SMC2: variants seen among roughly 807,000 people sequenced by gnomAD.
SMC2 encodes the protein structural maintenance of chromosomes protein 2.
SMC2 carries 41 observed loss-of-function variants against 142.6 expected under a neutral mutation model. That is an observed-to-expected ratio of 0.29 (90% CI 0.22 to 0.37). The LOEUF is 0.37. Among genes scored for constraint, SMC2 ranks in the 10% least tolerant of loss-of-function variants. SMC2 has a pLI of 1.00. For missense variants in SMC2, 1,265 were observed against 1,373.7 expected (o/e 0.92, Z 1.25); for synonymous variants, 463 against 457.5 (o/e 1.01, Z -0.15).
rs1831198751 is a variant in SMC2, at chr9:104,102,060, A to G, written c.737A>G (p.Lys246Arg). ...CAGTTTTTGCTGGCTGAAGATACCA[A>G]AGTACGCTCAGCTGAGGAATTAAAA... is the stretch of plus-strand genomic sequence containing the variant. ...AYQFLLAEDT[K>R]VRSAEELKEM... The change falls in exon 8 of 25, where the codon AAA (lysine) becomes AGA (arginine). Residue 246 changes from lysine to arginine, a missense_variant. Transcript: ENST00000374793. The G allele has an allele frequency of 6.2e-7, 1 of 1,611,264 alleles. No homozygotes were observed. Among genetic ancestry groups the G allele is most frequent in the South Asian group, 1.1e-5 (1 of 90,970 alleles).
Position 104,113,266 on chromosome 9 carries a change from G to A in SMC2, c.1255-50G>A, listed in dbSNP as rs142619178. On this transcript the variant is annotated intron_variant, in intron 10 of 24. Transcript: ENST00000374793. ...TGAATCTTCGGCCATTTAATTACTA[G>A]CACTGTCTGCCTCATACATCCTATG... is the stretch of plus-strand genomic sequence containing the variant. The A allele has an allele frequency of 3.5e-3, 4,948 of 1,428,874 alleles. 13 individuals carry two copies. Among genetic ancestry groups the A allele is most frequent in the Non-Finnish European group, 4.3e-3 (4,535 of 1,061,734 alleles). 88.5% of individuals were successfully genotyped at this position (1,428,874 alleles called of 1,614,324 possible). A position where few individuals can be genotyped will look rare whatever the true frequency, so the allele number is the denominator to read the frequency against.
At chr9:104,097,142 T>TTTTCC (rs946543605) in intron 3 of SMC2, among the ~76,000 whole-genome samples, 1 of 146,580 alleles carries the variant, frequency 6.8e-6, no homozygotes, top group African/African-American at 2.6e-5. Flanking sequence ...TTTTTTTTTT[T>TTTTCC]CCTGAGACGG....
chr9:104,120,348 C>G (rs1350227550), intron 16 of SMC2, among the ~76,000 whole-genome samples, 186 bp downstream of exon 16: 2 of 152,080 alleles, frequency 1.3e-5, no homozygotes, highest in Admixed American at 6.5e-5. Context: ...AGAGAGATGT[C>G]TTTGTTAAGA....
At chr9:104,094,018 A>C (rs1367072151), upstream of SMC2, among the ~76,000 whole-genome samples, 1 of 152,170 alleles carries the variant, frequency 6.6e-6, no homozygotes, top group Non-Finnish European at 1.5e-5. Context: ...CGCGAACTAG[A>C]GGGACCGAGG....
rs1489721632 is a variant in SMC2, at chr9:104,140,359, G to C, written c.*1044G>C. 2 of 152,094 alleles carry C rather than the reference G, an allele frequency of 1.3e-5. No homozygotes were observed. The highest frequency in any genetic ancestry group is 2.9e-5 in the Non-Finnish European group (2 of 68,008). The allele number at this position is 152,094 out of a possible 1,614,324, so 9.4% of individuals were successfully genotyped here. A position where few individuals can be genotyped will look rare whatever the true frequency, so the allele number is the denominator to read the frequency against. Reference sequence around the variant, plus strand: ...CACTAGCGAACACCATGAGAATACTGTCTACAGTTTTTGGTACGTCATCAC... The same window carrying C: ...CACTAGCGAACACCATGAGAATACTCTCTACAGTTTTTGGTACGTCATCAC... On this transcript the variant is annotated 3_prime_UTR_variant, in exon 25 of 25. Coordinates refer to ENST00000374793, the MANE Select transcript of SMC2 (RefSeq NM_006444.3).
rs996977904 is a variant in SMC2, at chr9:104,140,358, T to G, written c.*1043T>G. On this transcript the variant is annotated 3_prime_UTR_variant, in exon 25 of 25. Coordinates refer to ENST00000374793, the MANE Select transcript of SMC2 (RefSeq NM_006444.3). ...ACACTAGCGAACACCATGAGAATAC[T>G]GTCTACAGTTTTTGGTACGTCATCA... 2.6e-5 allele frequency: 4 copies of G among 152,168 alleles called. No individual in the cohort carries two copies. The highest frequency in any genetic ancestry group is 7.2e-5 in the African/African-American group (3 of 41,464). The allele number at this position is 152,168 out of a possible 1,614,324, so 9.4% of individuals were successfully genotyped here. A position where few individuals can be genotyped will look rare whatever the true frequency, so the allele number is the denominator to read the frequency against.
chr9:104,102,899 G>C (rs1167176373), intron 9 of SMC2, among the ~76,000 whole-genome samples: 2 of 152,088 alleles, frequency 1.3e-5, no homozygotes, highest in African/African-American at 2.4e-5. Context: ...GATAGCCACT[G>C]AAGTAAGTGG....
In SMC2 at chr9:104,102,544, C is replaced by T. The variant is rs180923911; in HGVS notation, c.991C>T (p.Arg331Cys). ...AAATCTGGCATGTGAGGAAAGCAAA[C>T]GCAAAGAGCTGGAAAAAAATATGGT... is the stretch of plus-strand genomic sequence containing the variant. ...KKNLACEESK[R>C]KELEKNMVED... Residue 331 changes from arginine to cysteine, a missense_variant, in exon 9 of 25, where the codon CGC becomes TGC. Physicochemically the swap from Arg to Cys is radical, Grantham distance 180. Coordinates refer to ENST00000374793, the MANE Select transcript of SMC2 (RefSeq NM_006444.3). 4.2e-5 allele frequency: 68 copies of T among 1,612,988 alleles called. No homozygotes were observed. The highest frequency in any genetic ancestry group is 1.8e-4 in the East Asian group (8 of 44,798).
intron 9 of SMC2, among the ~76,000 whole-genome samples, chr9:104,109,426 A>G (rs1832174374): frequency 6.6e-6 from 1 of 152,102 alleles, no homozygotes; most frequent in Admixed American, 6.6e-5. Context: ...ATTACTGCCA[A>G]CCTCGTTCAA....
chr9:104,126,894 A>AC, intron 19 of SMC2, 110 bp downstream of exon 19: 1 of 1,095,988 alleles, frequency 9.1e-7, no homozygotes, highest in Non-Finnish European at 1.3e-6. Flanking sequence ...CGTCATCATG[A>AC]GAGAATGAGG....
chr9:104,128,526 G>A (rs1834567115), intron 20 of SMC2, among the ~76,000 whole-genome samples: 1 of 152,142 alleles, frequency 6.6e-6, no homozygotes, highest in African/African-American at 2.4e-5. Context: ...TACTGTGCCA[G>A]GCACTGACAA....
At chr9:104,115,549 C>T (rs934850796) in intron 13 of SMC2, among the ~76,000 whole-genome samples, 2 of 151,386 alleles carry the variant, frequency 1.3e-5, no homozygotes, top group Non-Finnish European at 2.9e-5. Context: ...TGCACCACTG[C>T]GCTCCTGCCT....
chr9:104,113,847 C>G (rs954469053), intron 11 of SMC2, 117 bp from the exon 12 acceptor site: 38 of 636,606 alleles, frequency 6.0e-5, no homozygotes, highest in Non-Finnish European at 8.8e-5. Context: ...TTTTTTAATA[C>G]TTACAGAAAT....
At position 104,111,683 on chromosome 9, in the gene SMC2, G is replaced by A; in HGVS notation, c.1123G>A (p.Ala375Thr). Reference sequence around the variant, plus strand: ...TAATAAAGATGCTGAAGCTCTGGCAGCTGCACAGCAGCACTTCAATGCTGT... The same window carrying A: ...TAATAAAGATGCTGAAGCTCTGGCAACTGCACAGCAGCACTTCAATGCTGT... ...ASNKDAEALAAAQQHFNAVSA... is the reference protein window; with the variant it reads ...ASNKDAEALATAQQHFNAVSA... Residue 375 changes from alanine to threonine, a missense_variant, in exon 10 of 25, where the codon GCT (alanine) becomes ACT (threonine). By Grantham distance (58) the Ala-to-Thr change is moderately conservative (BLOSUM62 0). Around this residue, in one of 4 missense-constraint regions of SMC2, gnomAD observed 898 missense variants for 904.2 expected, o/e 0.99. Transcript: ENST00000374793. 1 of 1,613,992 alleles carries A rather than the reference G, an allele frequency of 6.2e-7. No individual in the cohort carries two copies. Among genetic ancestry groups the A allele is most frequent in the Non-Finnish European group, 8.5e-7 (1 of 1,179,866 alleles).
At chr9:104,135,610 C>T (rs1260767082) in intron 23 of SMC2, among the ~76,000 whole-genome samples, 1 of 151,954 alleles carries the variant, frequency 6.6e-6, no homozygotes, top group Non-Finnish European at 1.5e-5. Context: ...TAAACAGAAA[C>T]ACATACAAAA....
At position 104,123,154 on chromosome 9, in the gene SMC2, G is replaced by A; in HGVS notation, c.2179G>A (p.Asp727Asn). ...GTGGGAGATGAAAACTGAAGAGGCAGATTTATTACAAACCAAGCTCCAGCA... is the reference window on the plus strand; with the variant it reads ...GTGGGAGATGAAAACTGAAGAGGCAAATTTATTACAAACCAAGCTCCAGCA... ...QQWEMKTEEA[D>N]LLQTKLQQSS... is the part of the protein sequence containing the mutation. The change falls in exon 17 of 25, where the codon GAT (aspartate) becomes AAT (asparagine). Residue 727 changes from aspartate (D) to asparagine (N), a missense_variant. Around this residue, in one of 4 missense-constraint regions of SMC2, gnomAD observed 898 missense variants for 904.2 expected, o/e 0.99. Coordinates refer to ENST00000374793, the MANE Select transcript of SMC2 (RefSeq NM_006444.3). 1 of 1,611,420 alleles carries A rather than the reference G, an allele frequency of 6.2e-7. No individual in the cohort carries two copies. The highest frequency in any genetic ancestry group is 8.5e-7 in the Non-Finnish European group (1 of 1,178,726).
At chr9:104,095,715 A>G (rs983110184) in intron 2 of SMC2, among the ~76,000 whole-genome samples, 163 bp downstream of exon 2, 1 of 152,214 alleles carries the variant, frequency 6.6e-6, no homozygotes, top group African/African-American at 2.4e-5. Flanking sequence ...CCTTTAGATG[A>G]GAAAATAGAA....
At chr9:104,105,859 A>G (rs1349234018) in intron 9 of SMC2, among the ~76,000 whole-genome samples, 1 of 152,272 alleles carries the variant, frequency 6.6e-6, no homozygotes, top group East Asian at 1.9e-4. Flanking sequence ...GTTACCCGCC[A>G]TGGCCACAGC....
chr9:104,094,633 T>TG (rs1272809165), intron 1 of SMC2, 156 bp downstream of exon 1: 4 of 375,294 alleles, frequency 1.1e-5, no homozygotes, highest in African/African-American at 6.3e-5. Flanking sequence ...GGCTAGCTTC[T>TG]GTTCGACCTT....
Sources: gnomAD v4.1 joint callset for allele counts (sites outside exome capture counted in the v4.1 genomes callset) on GRCh38, gnomAD v4.1.1 for gene constraint, gnomAD v4.1.1 regional missense constraint, MANE v1.5 for transcripts, NCBI Gene and HGNC (gene_info 2026-07-23, HGNC 2026-07-21) for gene names.